The following PRKG1 variants were observed in gnomAD, a reference collection of about 807,000 sequenced individuals.
PRKG1 encodes protein kinase cGMP-dependent 1, also known as cGMP-dependent protein kinase 1.
PRKG1 carries 35 observed loss-of-function variants against 88.1 expected under a neutral mutation model. The ratio of observed to expected loss-of-function variants is 0.40; its 90% CI spans 0.30 to 0.53. The LOEUF is 0.53. Among genes scored for constraint, PRKG1 ranks in the 20% least tolerant of loss-of-function variants. The pLI is 0.59. For synonymous variants in PRKG1, 303 were observed against 292.5 expected (o/e 1.04, Z -0.37); for missense variants, 540 against 839.8 (o/e 0.64, Z 4.41).
chr10:52,036,319 T>C lies in PRKG1; in HGVS notation c.763-18165T>C, dbSNP rs566179402. ...ATAGGAGAGTATATGGGTTTGGCAC[T>C]ACGGGGTGGATAGGCAAAACAATTT... On this transcript the variant is annotated intron_variant, in intron 5 of 17. Transcript: ENST00000373980. 5.3e-3 allele frequency among the ~76,000 whole-genome samples: 805 copies of C among 152,092 alleles called. 5 individuals carry two copies. The highest frequency in any genetic ancestry group is 0.018 in the African/African-American group (753 of 41,462).
intron 6 of PRKG1, 134 bp from the exon 7 acceptor site, chr10:52,062,402 TG>T: frequency 2.1e-6 from 1 of 486,166 alleles, no homozygotes; most frequent in South Asian, 4.2e-5. Flanking sequence ...TTGGTCCTTT[TG>T]GTGGTAATTT....
At chr10:51,493,316 G>A (rs1002569812) in intron 3 of PRKG1, among the ~76,000 whole-genome samples, 1 of 152,014 alleles carries the variant, frequency 6.6e-6, no homozygotes, top group African/African-American at 2.4e-5. Context: ...CAAATTCCAG[G>A]TGTTGTCTAT....
chr10:51,564,578 C>T (rs1243648047), intron 3 of PRKG1, among the ~76,000 whole-genome samples: 1 of 152,008 alleles, frequency 6.6e-6, no homozygotes, highest in Non-Finnish European at 1.5e-5. Context: ...CGACCTTGCA[C>T]ATAGGAGGAA....
intron 3 of PRKG1, among the ~76,000 whole-genome samples, chr10:51,682,552 C>T (rs1015612949): frequency 1.3e-5 from 2 of 152,112 alleles, no homozygotes; most frequent in Non-Finnish European, 2.9e-5. Flanking sequence ...TTTCCATGCC[C>T]ATGGGTTTTT....
At chr10:51,882,988 G>A (rs1301048219) in intron 4 of PRKG1, among the ~76,000 whole-genome samples, 1 of 152,206 alleles carries the variant, frequency 6.6e-6, no homozygotes, top group Non-Finnish European at 1.5e-5. Flanking sequence ...ATCTGTGAGG[G>A]TGTTTCCAGA....
At chr10:51,958,583 ATT>A (rs201531189) in intron 5 of PRKG1, among the ~76,000 whole-genome samples, 5 of 99,732 alleles carry the variant, frequency 5.0e-5, no homozygotes, top group East Asian at 3.1e-4. Context: ...TCTACAGAGT[ATT>A]TTTTTTTTTT....
chr10:51,900,368 A>G (rs575304604), intron 4 of PRKG1, among the ~76,000 whole-genome samples: 14 of 152,258 alleles, frequency 9.2e-5, no homozygotes, highest in African/African-American at 2.6e-4. Flanking sequence ...TGCAATATGG[A>G]CTCTGAAACT....
rs1039651275 is a variant in PRKG1 at position 51,983,351 on chromosome 10, G to A, written c.763-71133G>A. 1.4e-4 allele frequency among the ~76,000 whole-genome samples: 22 copies of A among 152,140 alleles called. 1 individual carries two copies. The highest frequency in any genetic ancestry group is 4.6e-4 in the African/African-American group (19 of 41,442). ...GGGAGGTGGCCATGGGGAGGGAACCGGTGGGCTGGTGTATGGCATGGGGGC... is the reference window on the plus strand; with the variant it reads ...GGGAGGTGGCCATGGGGAGGGAACCAGTGGGCTGGTGTATGGCATGGGGGC... On this transcript the variant is annotated intron_variant, in intron 5 of 17. Coordinates refer to ENST00000373980, the MANE Select transcript of PRKG1 (RefSeq NM_006258.4).
At chr10:51,896,790 A>G (rs1841862124) in intron 4 of PRKG1, among the ~76,000 whole-genome samples, 1 of 152,120 alleles carries the variant, frequency 6.6e-6, no homozygotes, top group African/African-American at 2.4e-5. Flanking sequence ...CTAACCCAGT[A>G]TACAATTCTC....
intron 3 of PRKG1, among the ~76,000 whole-genome samples, chr10:51,502,194 A>G (rs1472500433): frequency 6.6e-6 from 1 of 152,144 alleles, no homozygotes; most frequent in Admixed American, 6.6e-5. Flanking sequence ...GTGGGCAGCC[A>G]TATTCCGAGG....
chr10:51,723,810 A>AT (rs1205116476), intron 3 of PRKG1, among the ~76,000 whole-genome samples: 2 of 151,960 alleles, frequency 1.3e-5, no homozygotes, highest in African/African-American at 4.8e-5. Flanking sequence ...AAATTAATGT[A>AT]TTTTCTGTTG....
intron 3 of PRKG1, among the ~76,000 whole-genome samples, chr10:51,660,443 C>T (rs977513605): frequency 6.3e-5 from 9 of 141,964 alleles, no homozygotes; most frequent in African/African-American, 1.8e-4. Flanking sequence ...TGCTTTTGGG[C>T]AGAAAAAAAA....
At chr10:51,134,659 C>T (rs1845646667) in intron 1 of PRKG1, among the ~76,000 whole-genome samples, 1 of 152,114 alleles carries the variant, frequency 6.6e-6, no homozygotes, top group Non-Finnish European at 1.5e-5. Flanking sequence ...GCAGACTTCA[C>T]AGAGAACTAT....
chr10:52,247,107 G>T (rs1010028681), intron 9 of PRKG1, among the ~76,000 whole-genome samples: 4 of 152,020 alleles, frequency 2.6e-5, no homozygotes, highest in Non-Finnish European at 5.9e-5. Flanking sequence ...AGCACAGAAG[G>T]CATGTCAGTG....
At chr10:52,172,805 A>G (rs1016069191) in intron 9 of PRKG1, among the ~76,000 whole-genome samples, 1 of 152,082 alleles carries the variant, frequency 6.6e-6, no homozygotes, top group Admixed American at 6.5e-5. Context: ...TGAGGAGGCC[A>G]CATATATTTA....
intron 9 of PRKG1, among the ~76,000 whole-genome samples, chr10:52,193,575 A>AAC (rs375607984): frequency 7.5e-4 from 106 of 140,990 alleles, no homozygotes; most frequent in Non-Finnish European, 1.3e-3. Flanking sequence ...AAAAAAAAAA[A>AAC]CAAAAAAAAA....
rs1051543936 is a variant in PRKG1, at chr10:52,295,792, T to C, written c.*1892T>C. On this transcript the variant is annotated 3_prime_UTR_variant, in exon 18 of 18. Coordinates refer to ENST00000373980, the MANE Select transcript of PRKG1 (RefSeq NM_006258.4). ...CTCAAAACTACCTTAGAATATGGTA[T>C]CTTATGAAAATATAATATTCTTAAA... The C allele has an allele frequency of 5.9e-5, 9 of 152,116 alleles. No homozygotes were observed. Among genetic ancestry groups the C allele is most frequent in the Admixed American group, 5.9e-4 (9 of 15,252 alleles). 9.4% of individuals were successfully genotyped at this position (152,116 alleles called of 1,614,324 possible). A position where few individuals can be genotyped will look rare whatever the true frequency, so the allele number is the denominator to read the frequency against.
chr10:52,117,455 C>T (rs34447589), intron 7 of PRKG1, among the ~76,000 whole-genome samples: 25,639 of 151,840 alleles, frequency 0.17, 2,596 homozygotes, highest in South Asian at 0.28. Context: ...CATAAATTAC[C>T]TCTAGACCTG....
intron 3 of PRKG1, chr10:51,697,998 T>C (rs1408476540): frequency 8.7e-6 from 14 of 1,612,820 alleles, no homozygotes; most frequent in Admixed American, 1.7e-5. Flanking sequence ...GCTCCCTGCA[T>C]GCCTGTTCCT....
Sources: allele counts gnomAD v4.1 joint callset (sites outside exome capture counted in the v4.1 genomes callset), GRCh38; gene constraint gnomAD v4.1.1; transcripts MANE v1.5; gene names NCBI Gene and HGNC (gene_info 2026-07-23, HGNC 2026-07-21).